The following WBP1L variants were observed in gnomAD, a reference collection of about 807,000 sequenced individuals.
WBP1L encodes the protein WW domain binding protein 1-like.
Under a neutral mutation model 33.7 loss-of-function variants are expected in WBP1L, and 17 were observed. The ratio of observed to expected loss-of-function variants is 0.50; its 90% CI spans 0.34 to 0.76. WBP1L has a LOEUF of 0.76. Ranked by LOEUF, WBP1L falls within the 30% of genes least tolerant of loss-of-function variation. The pLI is 0.01. For synonymous variants in WBP1L, 173 were observed against 190.8 expected, an observed-to-expected ratio of 0.91 and a Z score of 0.77; for missense variants, 389 against 469.4, an observed-to-expected ratio of 0.83 and a Z score of 1.58.
intron 1 of WBP1L, among the ~76,000 whole-genome samples, chr10:102,779,117 T>G (rs1171898850): frequency 6.6e-6 from 1 of 151,830 alleles, no homozygotes; most frequent in African/African-American, 2.4e-5. Context: ...ATTGTTCTCC[T>G]TGGGGCATGT....
chr10:102,747,562 C>T (rs534800866), intron 1 of WBP1L, among the ~76,000 whole-genome samples: 2 of 152,204 alleles, frequency 1.3e-5, no homozygotes, highest in South Asian at 4.1e-4. Flanking sequence ...CACTCTGTTG[C>T]CCAGGCTGGA....
At chr10:102,767,990 C>T (rs1242955465) in intron 1 of WBP1L, among the ~76,000 whole-genome samples, 1 of 152,178 alleles carries the variant, frequency 6.6e-6, no homozygotes, top group African/African-American at 2.4e-5. Flanking sequence ...TACTTTTATT[C>T]ATGCTCTGCT....
intron 1 of WBP1L, among the ~76,000 whole-genome samples, chr10:102,791,370 T>G (rs1843495376): frequency 6.6e-6 from 1 of 152,124 alleles, no homozygotes; most frequent in South Asian, 2.1e-4. Context: ...AAGCGGAAAC[T>G]CTCCCCTCCC....
At chr10:102,757,884 C>G (rs1441620760) in intron 1 of WBP1L, among the ~76,000 whole-genome samples, 5 of 63,714 alleles carry the variant, frequency 7.8e-5, no homozygotes, top group East Asian at 1.2e-3. Context: ...CCTCCCCCCC[C>G]CCCTTTTTTT....
chr10:102,798,237 G>A, intron 2 of WBP1L, 142 bp downstream of exon 2: 1 of 663,772 alleles, frequency 1.5e-6, no homozygotes, highest in Non-Finnish European at 2.6e-6. Context: ...GGTTCCAGAA[G>A]TGCTTCCTTT....
intron 1 of WBP1L, among the ~76,000 whole-genome samples, chr10:102,797,434 C>G (rs1196164288): frequency 6.6e-6 from 1 of 152,252 alleles, no homozygotes; most frequent in Non-Finnish European, 1.5e-5. Context: ...AGGAAAACTT[C>G]ACTCTGCCAA....
intron 1 of WBP1L, among the ~76,000 whole-genome samples, chr10:102,771,120 C>G (rs1458665665): frequency 6.6e-6 from 1 of 152,172 alleles, no homozygotes; most frequent in East Asian, 1.9e-4. Context: ...ATGATTATCT[C>G]TCCCCTACCC....
At chr10:102,760,072 A>G (rs2863717) in intron 1 of WBP1L, among the ~76,000 whole-genome samples, 109,809 of 152,094 alleles carry the variant, frequency 0.72, 39,919 homozygotes, top group East Asian at 0.9. Flanking sequence ...GTAGTTTCTC[A>G]TTGTGATTTT....
intron 1 of WBP1L, among the ~76,000 whole-genome samples, chr10:102,767,502 C>T (rs765724729): frequency 1.3e-5 from 2 of 152,078 alleles, no homozygotes; most frequent in South Asian, 2.1e-4. Context: ...CACTGCACCC[C>T]AGCCAGGGCA....
At chr10:102,784,551 A>G (rs575310321) in intron 1 of WBP1L, among the ~76,000 whole-genome samples, 62 of 148,040 alleles carry the variant, frequency 4.2e-4, no homozygotes, top group Admixed American at 1.2e-3. Context: ...CCAGCCTCCC[A>G]AGTAGCTGGG....
At position 102,808,788 on chromosome 10, in the gene WBP1L, G is replaced by A. The variant is rs755455232; in HGVS notation, c.194-1105G>A. Among the ~76,000 whole-genome samples, 29 of 152,222 alleles carry A rather than the reference G, an allele frequency of 1.9e-4. 1 individual carries two copies. Among genetic ancestry groups the A allele is most frequent in the Admixed American group, 3.9e-4 (6 of 15,282 alleles). On this transcript the variant is annotated intron_variant, in intron 2 of 3. Coordinates refer to ENST00000448841, the MANE Select transcript of WBP1L (RefSeq NM_001083913.2). ...CCTGATTTTTTTGATGCTATCAGGA[G>A]AATCATAAGACTTCTTTTGTCAGGG...
intron 1 of WBP1L, among the ~76,000 whole-genome samples, chr10:102,763,177 A>G (rs114127273): frequency 0.024 from 3,472 of 142,892 alleles, 43 homozygotes; most frequent in African/African-American, 0.037. Flanking sequence ...ATTGCACTCC[A>G]GCCTGGGTGA....
intron 1 of WBP1L, among the ~76,000 whole-genome samples, chr10:102,788,524 A>G (rs1843452959): frequency 1.3e-5 from 2 of 152,156 alleles, no homozygotes; most frequent in Non-Finnish European, 2.9e-5. Context: ...AAAGTGCTGC[A>G]TTTTCAGAAC....
intron 1 of WBP1L, among the ~76,000 whole-genome samples, chr10:102,745,329 C>G (rs552828876): frequency 6.6e-6 from 1 of 152,260 alleles, no homozygotes; most frequent in South Asian, 2.1e-4. Context: ...TGACAAAAAC[C>G]ATTTTAAAGT....
At chr10:102,808,558 G>T (rs1390627721) in intron 2 of WBP1L, among the ~76,000 whole-genome samples, 1 of 152,240 alleles carries the variant, frequency 6.6e-6, no homozygotes, top group Non-Finnish European at 1.5e-5. Context: ...TAATGGCCCT[G>T]CATCTACTGC....
chr10:102,777,347 C>T (rs1040278177), intron 1 of WBP1L, among the ~76,000 whole-genome samples: 1 of 152,140 alleles, frequency 6.6e-6, no homozygotes, highest in African/African-American at 2.4e-5. Context: ...AGGGGAGCTG[C>T]TAGGGACCAC....
intron 3 of WBP1L, among the ~76,000 whole-genome samples, chr10:102,810,692 A>G (rs1359513626): frequency 6.7e-6 from 1 of 148,274 alleles, no homozygotes; most frequent in African/African-American, 2.5e-5. Context: ...TCAGCCTCCA[A>G]AGTAGCTGGG....
chr10:102,758,381 T>C (rs1843001948), intron 1 of WBP1L, among the ~76,000 whole-genome samples: 2 of 152,180 alleles, frequency 1.3e-5, no homozygotes, highest in African/African-American at 4.8e-5. Context: ...CTTATTTTCT[T>C]CCCTCCAGTC....
chr10:102,800,255 T>A (rs1370828830), intron 2 of WBP1L, among the ~76,000 whole-genome samples: 1 of 152,214 alleles, frequency 6.6e-6, no homozygotes, highest in Non-Finnish European at 1.5e-5. Flanking sequence ...AGCTGTAGTT[T>A]GTTTTTCTGG....
Sources: gnomAD v4.1 joint callset for allele counts (sites outside exome capture counted in the v4.1 genomes callset) on GRCh38, gnomAD v4.1.1 for gene constraint, MANE v1.5 for transcripts, NCBI Gene and HGNC (gene_info 2026-07-23, HGNC 2026-07-21) for gene names.